PLXNA4: variants seen among roughly 807,000 people sequenced by gnomAD.
The protein encoded by PLXNA4 is plexin A4, also known as plexin-A4.
Under a neutral mutation model 191.8 loss-of-function variants are expected in PLXNA4, and 44 were observed. That is an observed-to-expected ratio of 0.23 (90% CI 0.18 to 0.29). The LOEUF (loss-of-function observed/expected upper bound fraction) is 0.29, where lower values mean the gene tolerates loss of function less well. Ranked by LOEUF, PLXNA4 falls within the 10% of genes least tolerant of loss-of-function variation. The probability of loss-of-function intolerance (pLI) is 1.00; values close to 1 mark genes in which losing one functional copy is unlikely to be tolerated. For synonymous variants in PLXNA4, 1,082 were observed against 1,009.5 expected, an observed-to-expected ratio of 1.07 and a Z score of -1.36; for missense variants, 1,800 against 2,488.8, an observed-to-expected ratio of 0.72 and a Z score of 5.89.
At chr7:132,604,486 A>G (rs949861096) in intron 2 of PLXNA4, among the ~76,000 whole-genome samples, 2 of 152,204 alleles carry the variant, frequency 1.3e-5, no homozygotes, top group Admixed American at 1.3e-4. Context: ...TGTCTCGTGA[A>G]AAGTAGCTTG....
intron 2 of PLXNA4, among the ~76,000 whole-genome samples, chr7:132,496,693 C>A (rs747157860): frequency 2.0e-5 from 3 of 152,210 alleles, no homozygotes; most frequent in Non-Finnish European, 4.4e-5. Flanking sequence ...AGCTACCACA[C>A]CTGGCTAAAA....
At chr7:132,570,191 C>T (rs1801914356) in intron 1 of PLXNA4, among the ~76,000 whole-genome samples, 2 of 152,158 alleles carry the variant, frequency 1.3e-5, no homozygotes, top group Non-Finnish European at 2.9e-5. Context: ...CCTATTGACT[C>T]CCCCGCAGAA....
At chr7:132,253,674 G>A (rs939138805) in intron 4 of PLXNA4, among the ~76,000 whole-genome samples, 11 of 152,146 alleles carry the variant, frequency 7.2e-5, no homozygotes, top group African/African-American at 2.4e-4. Flanking sequence ...TGGGCCATGG[G>A]GGAGTTTTCT....
chr7:132,130,726 C>A, intron 31 of PLXNA4, 152 bp from the exon 32 acceptor site: 1 of 1,180,806 alleles, frequency 8.5e-7, no homozygotes, highest in Non-Finnish European at 1.2e-6. Context: ...AGGAGGAGAC[C>A]TGGGGAGCAT....
Position 132,508,022 on chromosome 7 carries a change from G to A in PLXNA4, c.672C>T (p.Ala224=). 6.2e-7 allele frequency: 1 copy of A among 1,614,194 alleles called. No individual in the cohort carries two copies. The highest frequency in any genetic ancestry group is 8.5e-7 in the Non-Finnish European group (1 of 1,180,046). The part of the protein sequence containing the change: ...FAYVFHDEFV[A]SMIKIPSDTF... ...TGTCCGAAGGGATCTTAATCATCGA[G>A]GCCACGAACTCATCATGGAAGACGT... Residue 224 remains alanine, a synonymous_variant, in exon 2 of 32, where the codon GCC becomes GCT. Transcript: ENST00000321063. The surrounding 1 kb of genome is among the most constrained non-coding windows in gnomAD (Gnocchi z 4.4).
chr7:132,377,890 G>GA (rs1004668045), intron 3 of PLXNA4, among the ~76,000 whole-genome samples: 1 of 152,144 alleles, frequency 6.6e-6, no homozygotes, highest in African/African-American at 2.4e-5. Flanking sequence ...CAAAAGAAAA[G>GA]AACAGAAACA....
intron 4 of PLXNA4, among the ~76,000 whole-genome samples, chr7:132,246,136 T>C (rs1799042303): frequency 6.6e-6 from 1 of 152,246 alleles, no homozygotes; most frequent in Non-Finnish European, 1.5e-5. Context: ...TTGAGTGGAC[T>C]TGACAAATTA....
intron 4 of PLXNA4, among the ~76,000 whole-genome samples, chr7:132,287,462 TA>T (rs1288193387): frequency 6.6e-6 from 1 of 152,120 alleles, no homozygotes; most frequent in Non-Finnish European, 1.5e-5. Context: ...ATTTTCTACA[TA>T]AAAAACCAAA....
intron 1 of PLXNA4, among the ~76,000 whole-genome samples, chr7:132,572,457 C>T (rs1802019608): frequency 6.6e-6 from 1 of 152,216 alleles, no homozygotes; most frequent in Non-Finnish European, 1.5e-5. Context: ...GCTGATGCCA[C>T]AGGACCGGAC....
chr7:132,246,735 G>A (rs937629715), intron 4 of PLXNA4, among the ~76,000 whole-genome samples: 8 of 152,022 alleles, frequency 5.3e-5, no homozygotes, highest in African/African-American at 1.9e-4. Context: ...TTAAATGATT[G>A]TAAATAGAAT....
At chr7:132,172,768 A>AT in intron 21 of PLXNA4, among the ~76,000 whole-genome samples, 1 of 151,484 alleles carries the variant, frequency 6.6e-6, no homozygotes, top group Admixed American at 6.6e-5. Flanking sequence ...TATAATAATA[A>AT]TAATAATAAT....
At chr7:132,269,274 A>G (rs1366189183) in intron 4 of PLXNA4, among the ~76,000 whole-genome samples, 1 of 152,208 alleles carries the variant, frequency 6.6e-6, no homozygotes, top group Non-Finnish European at 1.5e-5. Context: ...CCTGTTTTCT[A>G]GCTTACTATT....
In PLXNA4 at chr7:132,241,065, C is replaced by T. The variant is rs1798860423; in HGVS notation, c.1604+1G>A. On this transcript the variant is annotated splice_donor_variant, in intron 5 of 31. Transcript: ENST00000321063. LOFTEE classifies it high-confidence loss of function. ...CGAGGCAGCCTCCCCATGGTACTCACGTGTTGTGCAGCACACACCAGCCAC... is the reference window on the plus strand; with the variant it reads ...CGAGGCAGCCTCCCCATGGTACTCATGTGTTGTGCAGCACACACCAGCCAC... 1.2e-6 allele frequency: 2 copies of T among 1,600,206 alleles called. No individual in the cohort carries two copies. Among genetic ancestry groups the T allele is most frequent in the South Asian group, 1.1e-5 (1 of 88,940 alleles).
At chr7:132,229,530 G>T (rs1046006717) in intron 5 of PLXNA4, among the ~76,000 whole-genome samples, 18 of 152,168 alleles carry the variant, frequency 1.2e-4, no homozygotes, top group African/African-American at 4.1e-4. Context: ...GTTGTGGGGT[G>T]GGGGCAAGCA....
intron 3 of PLXNA4, among the ~76,000 whole-genome samples, chr7:132,333,959 TTA>T (rs1224914620): frequency 2.0e-5 from 3 of 152,228 alleles, no homozygotes; most frequent in African/African-American, 7.2e-5. Flanking sequence ...TTCTCCATGT[TTA>T]TAAGGTCCTT....
chr7:132,637,322 C>G (rs954131634), intron 2 of PLXNA4, among the ~76,000 whole-genome samples: 1 of 152,088 alleles, frequency 6.6e-6, no homozygotes, highest in Non-Finnish European at 1.5e-5. Flanking sequence ...CTGCTGTGTC[C>G]GTAATTGAAG....
chr7:132,430,084 T>C (rs1795203673), intron 3 of PLXNA4, among the ~76,000 whole-genome samples: 1 of 152,188 alleles, frequency 6.6e-6, no homozygotes, highest in African/African-American at 2.4e-5. Context: ...ACCAACATCC[T>C]GAGTTTCTAT....
chr7:132,556,351 A>G (rs1433093905), intron 1 of PLXNA4, among the ~76,000 whole-genome samples: 1 of 152,082 alleles, frequency 6.6e-6, no homozygotes, highest in Non-Finnish European at 1.5e-5. Context: ...ACACTAGTTG[A>G]GGCAGACAGC....
intron 3 of PLXNA4, among the ~76,000 whole-genome samples, chr7:132,381,627 T>C (rs922884370): frequency 5.9e-5 from 9 of 152,220 alleles, no homozygotes; most frequent in Non-Finnish European, 1.3e-4. Context: ...TGGATATTAA[T>C]AAGGCAAAGA....
Sources: allele counts gnomAD v4.1 joint callset (sites outside exome capture counted in the v4.1 genomes callset), GRCh38; gene constraint gnomAD v4.1.1; non-coding constraint Gnocchi (gnomAD v3.1); transcripts MANE v1.5; gene names NCBI Gene and HGNC (gene_info 2026-07-23, HGNC 2026-07-21).